Variants in MYO6 observed in about 807,000 individuals in gnomAD.
MYO6 encodes the protein myosin VI, also known as unconventional myosin-VI.
MYO6 carries 74 observed loss-of-function variants against 178.7 expected under a neutral mutation model. That is an observed-to-expected ratio of 0.41 (90% CI 0.34 to 0.50). The LOEUF (loss-of-function observed/expected upper bound fraction) is 0.50, where lower values mean the gene tolerates loss of function less well. Among genes scored for constraint, MYO6 ranks in the 20% least tolerant of loss-of-function variants. MYO6 has a pLI of 0.09. For missense variants in MYO6, 1,330 were observed against 1,547.4 expected, an observed-to-expected ratio of 0.86 and a Z score of 2.36; for synonymous variants, 477 against 504.6, an observed-to-expected ratio of 0.95 and a Z score of 0.73.
intron 3 of MYO6, among the ~76,000 whole-genome samples, chr6:75,823,572 A>G (rs760899116): frequency 6.6e-6 from 1 of 152,072 alleles, no homozygotes; most frequent in Non-Finnish European, 1.5e-5. Flanking sequence ...AATACTAAAA[A>G]CTCTCCATTT....
At chr6:75,872,923 A>C (rs1777266922) in intron 19 of MYO6, among the ~76,000 whole-genome samples, 2 of 151,856 alleles carry the variant, frequency 1.3e-5, no homozygotes, top group African/African-American at 4.8e-5. Flanking sequence ...GGGATTGCCC[A>C]CCACCATGCC....
At chr6:75,774,563 A>T (rs6938349) in intron 1 of MYO6, among the ~76,000 whole-genome samples, 40,110 of 152,020 alleles carry the variant, frequency 0.26, 7,727 homozygotes, top group African/African-American at 0.54. Context: ...AATACATTAA[A>T]GCAACATGGG....
intron 1 of MYO6, among the ~76,000 whole-genome samples, chr6:75,755,662 GT>G (rs1176613996): frequency 6.6e-6 from 1 of 152,192 alleles, no homozygotes; most frequent in Non-Finnish European, 1.5e-5. Context: ...TGATCCGATA[GT>G]TACAACTGTC....
chr6:75,787,813 G>A (rs183191604), intron 1 of MYO6, among the ~76,000 whole-genome samples: 330 of 140,966 alleles, frequency 2.3e-3, no homozygotes, highest in Non-Finnish European at 4.1e-3. Flanking sequence ...AGGCTGGAGT[G>A]CAGTGGCACA....
Position 75,875,139 on chromosome 6 carries a change from C to T in MYO6, c.2077+1839C>T, listed in dbSNP as rs74369353. ...CTTCTCATTCTATGTCAGTACTGTC[C>T]AGAAGACCTTTACATGATGATGGAG... On this transcript the variant is annotated intron_variant, in intron 20 of 34. Transcript: ENST00000369977. Among the ~76,000 whole-genome samples the T allele has an allele frequency of 9.9e-3, 1,507 of 152,240 alleles. 25 individuals are homozygous for T. Among genetic ancestry groups the T allele is most frequent in the African/African-American group, 0.034 (1,426 of 41,530 alleles).
chr6:75,854,137 C>T (rs1174026798), intron 11 of MYO6, among the ~76,000 whole-genome samples: 1 of 152,140 alleles, frequency 6.6e-6, no homozygotes, highest in Non-Finnish European at 1.5e-5. Context: ...CCTGCCTGGC[C>T]ACCTTCTGCT....
At chr6:75,795,196 G>A (rs933120985) in intron 1 of MYO6, among the ~76,000 whole-genome samples, 19 of 152,168 alleles carry the variant, frequency 1.2e-4, no homozygotes, top group African/African-American at 4.3e-4. Flanking sequence ...GCGGAAGGCA[G>A]CAGCTTTAAA....
chr6:75,754,953 C>T (rs1582965194), intron 1 of MYO6, among the ~76,000 whole-genome samples: 1 of 152,070 alleles, frequency 6.6e-6, no homozygotes, highest in Non-Finnish European at 1.5e-5. Flanking sequence ...ATACTGGCTG[C>T]ATGTGGTGGC....
rs183365178 is a variant in MYO6, at chr6:75,804,867, C to T, written c.-47-12634C>T. ...TAACATATATATACACATATATATG[C>T]GCATATATATATACACACACACACA... On this transcript the variant is annotated intron_variant, in intron 1 of 34. Transcript: ENST00000369977. Among the ~76,000 whole-genome samples, 25 of 136,268 alleles carry T rather than the reference C, an allele frequency of 1.8e-4. No homozygotes were observed. The South Asian group carries it at 2.3e-3, about 13-fold the overall frequency. The allele number at this position is 136,268 out of a possible 152,430, so 89.4% of individuals were successfully genotyped here.
At chr6:75,781,208 A>G (rs1015988078) in intron 1 of MYO6, among the ~76,000 whole-genome samples, 4 of 152,196 alleles carry the variant, frequency 2.6e-5, no homozygotes, top group African/African-American at 7.2e-5. Context: ...AAGCAGAGAG[A>G]GACTAACACT....
At chr6:75,860,385 C>A (rs951544581) in intron 14 of MYO6, among the ~76,000 whole-genome samples, 2 of 152,120 alleles carry the variant, frequency 1.3e-5, no homozygotes, top group Non-Finnish European at 2.9e-5. Flanking sequence ...GAAGTTTTAC[C>A]TTCATGCCTC....
intron 25 of MYO6, among the ~76,000 whole-genome samples, chr6:75,887,834 C>G (rs1778576297): frequency 1.3e-5 from 2 of 149,646 alleles, no homozygotes; most frequent in Admixed American, 6.7e-5. Context: ...AAAAAATTAG[C>G]CAGGCGTGAT....
chr6:75,814,864 CAAA>C (rs113864154), intron 1 of MYO6, among the ~76,000 whole-genome samples: 2 of 102,942 alleles, frequency 1.9e-5, no homozygotes, highest in African/African-American at 7.1e-5. Flanking sequence ...GACCCAGTCT[CAAA>C]AAAAAAAAAA....
At position 75,830,479 on chromosome 6, in the gene MYO6, T is replaced by G; in HGVS notation, c.325T>G (p.Ser109Ala). 1 of 1,612,284 alleles carries G rather than the reference T, an allele frequency of 6.2e-7. No individual in the cohort carries two copies. The highest frequency in any genetic ancestry group is 2.2e-5 in the East Asian group (1 of 44,762). The stretch of plus-strand genomic sequence containing the variant: ...CTTTGACATACCTAAAATATATTCT[T>G]CAGAAGCAATAAAGTCATATCAAGG... ...PYFDIPKIYS[S>A]EAIKSYQGKS... Residue 109 changes from serine to alanine, a missense_variant, in exon 5 of 35, where the codon TCA becomes GCA. Coordinates refer to ENST00000369977, the MANE Select transcript of MYO6 (RefSeq NM_004999.4).
chr6:75,873,413 A>C, intron 20 of MYO6, 113 bp downstream of exon 20: 1 of 882,366 alleles, frequency 1.1e-6, no homozygotes. Flanking sequence ...ACAGTGCAAT[A>C]AAATTTTCAT....
chr6:75,898,187 A>G (rs1304253207), intron 29 of MYO6, among the ~76,000 whole-genome samples, 186 bp from the exon 30 acceptor site: 2 of 152,124 alleles, frequency 1.3e-5, no homozygotes, highest in Admixed American at 6.6e-5. Flanking sequence ...TTAAACAAAA[A>G]TTTTTCTGTG....
At chr6:75,767,880 A>G (rs1778576526) in intron 1 of MYO6, among the ~76,000 whole-genome samples, 1 of 152,186 alleles carries the variant, frequency 6.6e-6, no homozygotes, top group Admixed American at 6.6e-5. Context: ...AAATGAATTT[A>G]CTACAGAAAT....
chr6:75,841,760 T>C (rs1774251652), intron 9 of MYO6, among the ~76,000 whole-genome samples: 1 of 152,154 alleles, frequency 6.6e-6, no homozygotes, highest in Non-Finnish European at 1.5e-5. Context: ...CTTATTTTAG[T>C]GAATTTTGAA....
At chr6:75,797,525 A>AT (rs111904017) in intron 1 of MYO6, among the ~76,000 whole-genome samples, 26 of 150,630 alleles carry the variant, frequency 1.7e-4, no homozygotes, top group African/African-American at 4.9e-4. Flanking sequence ...TGTTATATGT[A>AT]TTTTTTTTTA....
Sources: allele counts gnomAD v4.1 joint callset (sites outside exome capture counted in the v4.1 genomes callset), GRCh38; gene constraint gnomAD v4.1.1; transcripts MANE v1.5; gene names NCBI Gene and HGNC (gene_info 2026-07-23, HGNC 2026-07-21).